Variants in UBE2G1 observed in about 807,000 individuals in gnomAD.
UBE2G1 encodes ubiquitin conjugating enzyme E2 G1, also known as ubiquitin-conjugating enzyme E2 G1.
Under a neutral mutation model 22.7 loss-of-function variants are expected in UBE2G1, and 5 were observed. That is an observed-to-expected ratio of 0.22 (90% CI 0.12 to 0.46). The LOEUF (loss-of-function observed/expected upper bound fraction) is 0.46, where lower values mean the gene tolerates loss of function less well. UBE2G1 is among the 20% of genes least tolerant of loss of function. The probability of loss-of-function intolerance (pLI) is 0.99; values close to 1 mark genes in which losing one functional copy is unlikely to be tolerated. For missense variants in UBE2G1, 88 were observed against 203.9 expected (o/e 0.43, Z 3.46); for synonymous variants, 74 against 67.5 (o/e 1.10, Z -0.47).
At chr17:4,347,501 G>A (rs184807163) in intron 1 of UBE2G1, among the ~76,000 whole-genome samples, 6 of 112,366 alleles carry the variant, frequency 5.3e-5, no homozygotes, top group Admixed American at 4.6e-4. Flanking sequence ...TGGACATAGA[G>A]TCTCGCTCTG....
intron 1 of UBE2G1, among the ~76,000 whole-genome samples, chr17:4,353,904 G>A (rs1597266591): frequency 2.1e-5 from 3 of 141,114 alleles, no homozygotes; most frequent in African/African-American, 8.1e-5. Flanking sequence ...TGCAACCTCT[G>A]CCTTCTGGGT....
In UBE2G1 at chr17:4,334,182, C is replaced by T. The variant is rs1026498860; in HGVS notation, c.47-27059G>A. On this transcript the variant is annotated intron_variant, in intron 1 of 5. Coordinates refer to ENST00000396981, the MANE Select transcript of UBE2G1 (RefSeq NM_003342.5). ...GCTCAAGCCATCCACCTGCTTTGGC[C>T]TTCTAAAGTGCTGGGATTACAGGCA... is the stretch of plus-strand genomic sequence containing the variant. 5.3e-5 allele frequency among the ~76,000 whole-genome samples: 8 copies of T among 151,860 alleles called. No individual in the cohort carries two copies. The East Asian group carries it at 1.5e-3, about 29-fold the overall frequency.
intron 3 of UBE2G1, among the ~76,000 whole-genome samples, chr17:4,291,401 C>T (rs1183173252): frequency 6.7e-6 from 1 of 148,214 alleles, no homozygotes; most frequent in African/African-American, 2.5e-5. Context: ...ACTTGTAACA[C>T]TACAAAATTC....
intron 1 of UBE2G1, among the ~76,000 whole-genome samples, chr17:4,311,208 C>A (rs1299092764): frequency 6.6e-6 from 1 of 152,090 alleles, no homozygotes; most frequent in Non-Finnish European, 1.5e-5. Context: ...GCCTGGGCAA[C>A]AGAGCCAGAC....
chr17:4,273,935 C>G (rs931214105), intron 5 of UBE2G1, among the ~76,000 whole-genome samples: 5 of 152,120 alleles, frequency 3.3e-5, no homozygotes, highest in African/African-American at 1.2e-4. Flanking sequence ...AATTTTAACT[C>G]ACACCAGACA....
chr17:4,343,645 G>C (rs1246464112), intron 1 of UBE2G1, among the ~76,000 whole-genome samples: 1 of 151,572 alleles, frequency 6.6e-6, no homozygotes, highest in Non-Finnish European at 1.5e-5. Flanking sequence ...CTGGAGTGTG[G>C]TGGCGCAATC....
chr17:4,292,336 C>G (rs79912529), intron 3 of UBE2G1, among the ~76,000 whole-genome samples: 1 of 146,068 alleles, frequency 6.8e-6, no homozygotes, highest in Non-Finnish European at 1.5e-5. Context: ...AAAAAAAACC[C>G]AAACCAAAAC....
chr17:4,360,333 T>C (rs1290190632), intron 1 of UBE2G1, among the ~76,000 whole-genome samples: 1 of 152,200 alleles, frequency 6.6e-6, no homozygotes, highest in Non-Finnish European at 1.5e-5. Flanking sequence ...ATTAATACTT[T>C]ACTTGCTTAA....
chr17:4,337,642 A>C (rs1969664666), intron 1 of UBE2G1, among the ~76,000 whole-genome samples: 1 of 151,034 alleles, frequency 6.6e-6, no homozygotes, highest in East Asian at 1.9e-4. Flanking sequence ...AACAAGAGCG[A>C]AACTCGGTCT....
At chr17:4,285,050 C>T (rs1282887193) in intron 4 of UBE2G1, among the ~76,000 whole-genome samples, 1 of 151,914 alleles carries the variant, frequency 6.6e-6, no homozygotes, top group African/African-American at 2.4e-5. Flanking sequence ...TACCATGTCG[C>T]CTAGGCTGGT....
intron 1 of UBE2G1, among the ~76,000 whole-genome samples, chr17:4,343,879 G>A (rs1015943912): frequency 6.6e-6 from 1 of 152,026 alleles, no homozygotes; most frequent in Non-Finnish European, 1.5e-5. Flanking sequence ...GAGCCACCGC[G>A]CCCAGCCTCA....
In UBE2G1 at chr17:4,366,393, G is replaced by C. The variant is rs1970036130; in HGVS notation, c.-77C>G. ...CAGGCTCTGGGGGCGGCTGGAGCGG[G>C]GTGTGCCGAGGAACCCGGGCCCCGC... On this transcript the variant is annotated 5_prime_UTR_variant, in exon 1 of 6. Coordinates refer to ENST00000396981, the MANE Select transcript of UBE2G1 (RefSeq NM_003342.5). 2 of 1,352,064 alleles carry C rather than the reference G, an allele frequency of 1.5e-6. No homozygotes were observed. Among genetic ancestry groups the C allele is most frequent in the Non-Finnish European group, 1.9e-6 (2 of 1,046,420 alleles). 83.8% of individuals were successfully genotyped at this position (1,352,064 alleles called of 1,614,324 possible).
chr17:4,320,686 C>T (rs893032843), intron 1 of UBE2G1, among the ~76,000 whole-genome samples: 4 of 152,060 alleles, frequency 2.6e-5, no homozygotes, highest in Non-Finnish European at 5.9e-5. Flanking sequence ...AAATAGAAGG[C>T]ATTAGACACT....
chr17:4,300,450 G>A (rs1244838537), intron 2 of UBE2G1, among the ~76,000 whole-genome samples: 1 of 152,056 alleles, frequency 6.6e-6, no homozygotes, highest in Non-Finnish European at 1.5e-5. Context: ...GGCTGAAGCA[G>A]GAGAATGGCT....
intron 1 of UBE2G1, among the ~76,000 whole-genome samples, chr17:4,309,716 C>T (rs1046334092): frequency 3.3e-5 from 5 of 152,184 alleles, no homozygotes; most frequent in African/African-American, 1.2e-4. Flanking sequence ...TTCTACAACA[C>T]TGTACACAAG....
rs181103760 is a variant in UBE2G1 at position 4,344,259 on chromosome 17, G to C, written c.46+22012C>G. ...CAAAGAATCTACAATCAAGAAGCCC[G>C]GCCGGGCGCGGTGGCTCGCGCCTGT... On this transcript the variant is annotated intron_variant, in intron 1 of 5. Coordinates refer to ENST00000396981, the MANE Select transcript of UBE2G1 (RefSeq NM_003342.5). 1.1e-3 allele frequency among the ~76,000 whole-genome samples: 171 copies of C among 152,286 alleles called. 1 individual carries two copies. Among genetic ancestry groups the C allele is most frequent in the African/African-American group, 3.8e-3 (159 of 41,566 alleles).
chr17:4,289,287 A>G lies in UBE2G1; in HGVS notation c.369T>C (p.Ser123=). Residue 123 remains serine, a synonymous_variant, in exon 4 of 6, where the codon AGT becomes AGC. Coordinates refer to ENST00000396981, the MANE Select transcript of UBE2G1 (RefSeq NM_003342.5). ...TAGGGTCTGCCAGCATAGAAATGAC[A>G]CTAATCATGATGGTTTCCACAGTGT... The part of the protein sequence containing the change: ...PIHTVETIMI[S]VISMLADPNG... 1.9e-6 allele frequency: 3 copies of G among 1,599,752 alleles called. No individual in the cohort carries two copies. The highest frequency in any genetic ancestry group is 2.6e-6 in the Non-Finnish European group (3 of 1,173,354).
At chr17:4,342,941 T>C (rs1969728232) in intron 1 of UBE2G1, among the ~76,000 whole-genome samples, 1 of 152,184 alleles carries the variant, frequency 6.6e-6, no homozygotes, top group African/African-American at 2.4e-5. Flanking sequence ...GTTCTTCTCT[T>C]GGCCTGGAAA....
intron 4 of UBE2G1, 127 bp downstream of exon 4, chr17:4,289,099 GAAGA>G (rs1969004305): frequency 1.7e-6 from 1 of 595,970 alleles, no homozygotes; most frequent in South Asian, 8.2e-5. Flanking sequence ...AGAACTATGG[GAAGA>G]GATACACACA....
Sources: gnomAD v4.1 joint callset for allele counts (sites outside exome capture counted in the v4.1 genomes callset) on GRCh38, gnomAD v4.1.1 for gene constraint, MANE v1.5 for transcripts, NCBI Gene and HGNC (gene_info 2026-07-23, HGNC 2026-07-21) for gene names.